Variants in KIRREL3 observed in about 807,000 individuals in gnomAD.
KIRREL3 encodes kirre like nephrin family adhesion molecule 3.
Under a neutral mutation model 89.7 loss-of-function variants are expected in KIRREL3, and 36 were observed. That is an observed-to-expected ratio of 0.40 (90% CI 0.31 to 0.53). KIRREL3 has a LOEUF of 0.53. KIRREL3 is among the 20% of genes least tolerant of loss of function. The pLI is 0.49. For synonymous variants in KIRREL3, 445 were observed against 441.4 expected, an observed-to-expected ratio of 1.01 and a Z score of -0.10; for missense variants, 864 against 1,056.6, an observed-to-expected ratio of 0.82 and a Z score of 2.53.
At chr11:126,478,795 A>G (rs1255308846) in intron 4 of KIRREL3, among the ~76,000 whole-genome samples, 3 of 151,878 alleles carry the variant, frequency 2.0e-5, no homozygotes, top group African/African-American at 7.3e-5. Flanking sequence ...GTGTGCATGC[A>G]TGTGTGTGTG....
intron 4 of KIRREL3, among the ~76,000 whole-genome samples, chr11:126,483,787 G>T (rs1207243954): frequency 1.3e-5 from 2 of 152,172 alleles, no homozygotes; most frequent in Non-Finnish European, 2.9e-5. Context: ...CCTTTGCTGG[G>T]AATCTCCTTG....
rs1947386745 is a variant in KIRREL3, at chr11:126,703,301, A to G, written c.56-140389T>C. ...TACCATTTGCATGGTCTGCGGAGGA[A>G]TGGTGCTCCTGAGAGCTGTTCTCTG... On this transcript the variant is annotated intron_variant, in intron 1 of 16. Coordinates refer to ENST00000525144, the MANE Select transcript of KIRREL3 (RefSeq NM_032531.4). The surrounding 1 kb of genome is among the most constrained non-coding windows in gnomAD (Gnocchi z 4.6). Among the ~76,000 whole-genome samples, 1 of 152,208 alleles carries G rather than the reference A, an allele frequency of 6.6e-6. No homozygotes were observed. Among genetic ancestry groups the G allele is most frequent in the African/African-American group, 2.4e-5 (1 of 41,466 alleles).
At chr11:126,681,910 C>T (rs949366555) in intron 1 of KIRREL3, 1 of 454,832 alleles carries the variant, frequency 2.2e-6, no homozygotes, top group Non-Finnish European at 4.4e-6. Flanking sequence ...TGAAATCATG[C>T]AACAGAAAGA....
chr11:126,976,724 G>C lies in KIRREL3; in HGVS notation c.55+23731C>G, dbSNP rs559950031. Among the ~76,000 whole-genome samples, 1 of 152,038 alleles carries C rather than the reference G, an allele frequency of 6.6e-6. No individual in the cohort carries two copies. The highest frequency in any genetic ancestry group is 1.5e-5 in the Non-Finnish European group (1 of 68,012). ...TCAGATAATATGCTGTACTTGCAGCGTATCATTTAATCTACTTAACAAATC... is the reference window on the plus strand; with the variant it reads ...TCAGATAATATGCTGTACTTGCAGCCTATCATTTAATCTACTTAACAAATC... On this transcript the variant is annotated intron_variant, in intron 1 of 16. Transcript: ENST00000525144. The surrounding 1 kb of genome is among the most constrained non-coding windows in gnomAD (Gnocchi z 4.2).
rs1161050268 is a variant in KIRREL3, at chr11:126,551,284, GGGTCTTAA to G, written c.133+11543_133+11550del. ...TGTGAGGCGGGACTCTCTCAGGGAA[GGGTCTTAA>G]GACCCACAATCAGAAAGTGGTGAAA... On this transcript the variant is annotated intron_variant, in intron 2 of 16. Transcript: ENST00000525144. This position sits in a 1 kb window ranked among gnomAD's most constrained non-coding sequence, Gnocchi z 4.9. Among the ~76,000 whole-genome samples the G allele has an allele frequency of 6.6e-6, 1 of 152,098 alleles. No homozygotes were observed. The highest frequency in any genetic ancestry group is 1.5e-5 in the Non-Finnish European group (1 of 68,016).
In KIRREL3 at chr11:126,463,263, G is replaced by A; in HGVS notation, c.636C>T (p.Leu212=). 6.2e-7 allele frequency: 1 copy of A among 1,613,972 alleles called. No individual in the cohort carries two copies. Among genetic ancestry groups the A allele is most frequent in the Non-Finnish European group, 8.5e-7 (1 of 1,179,852 alleles). ...TCTCCACGTCACCAGGGGAGATGAA[G>A]AGGGTGCTGACGATGCTCTCCCGCT... ...DGKRESIVST[L]FISPGDVENG... Residue 212 remains leucine (L), a synonymous_variant, in exon 6 of 17, where the codon CTC becomes CTT. Transcript: ENST00000525144. This position sits in a 1 kb window ranked among gnomAD's most constrained non-coding sequence, Gnocchi z 5.9.
intron 1 of KIRREL3, among the ~76,000 whole-genome samples, chr11:126,974,869 C>G (rs923130559): frequency 8.5e-5 from 13 of 152,098 alleles, no homozygotes; most frequent in Admixed American, 1.3e-4. Flanking sequence ...CCATGCCTGG[C>G]TAATTTTTGT....
At position 126,491,705 on chromosome 11, in the gene KIRREL3, CT is replaced by C. The variant is rs530721699; in HGVS notation, c.434-18240del. Among the ~76,000 whole-genome samples, 48 of 151,266 alleles carry C rather than the reference CT, an allele frequency of 3.2e-4. No individual in the cohort carries two copies. Among genetic ancestry groups the C allele is most frequent in the Non-Finnish European group, 3.2e-4 (22 of 67,730 alleles). ...GGATGTTTTTCTTTTTTTCTTTTTT[CT>C]TTTTTTTTATATTTATACGGAGTCT... On this transcript the variant is annotated intron_variant, in intron 4 of 16. Coordinates refer to ENST00000525144, the MANE Select transcript of KIRREL3 (RefSeq NM_032531.4). The surrounding 1 kb of genome is among the most constrained non-coding windows in gnomAD (Gnocchi z 5.5).
intron 1 of KIRREL3, among the ~76,000 whole-genome samples, chr11:126,847,179 A>G (rs1479196791): frequency 1.3e-5 from 2 of 152,174 alleles, no homozygotes; most frequent in African/African-American, 4.8e-5. Context: ...TCATACAGGA[A>G]GCATTGTCAA....
At position 126,995,968 on chromosome 11, in the gene KIRREL3, C is replaced by T. The variant is rs894542793; in HGVS notation, c.55+4487G>A. 6.6e-6 allele frequency among the ~76,000 whole-genome samples: 1 copy of T among 152,166 alleles called. No homozygotes were observed. Among genetic ancestry groups the T allele is most frequent in the African/African-American group, 2.4e-5 (1 of 41,444 alleles). The stretch of plus-strand genomic sequence containing the variant: ...GTTCCAAGCCAAATCCTCCTCTGTA[C>T]ACCCAAGAGGGGGACCCCATGGTAT... On this transcript the variant is annotated intron_variant, in intron 1 of 16. Transcript: ENST00000525144. This position sits in a 1 kb window ranked among gnomAD's most constrained non-coding sequence, Gnocchi z 6.5.
At chr11:126,446,088 T>C (rs1250394882) in intron 9 of KIRREL3, among the ~76,000 whole-genome samples, 1 of 137,238 alleles carries the variant, frequency 7.3e-6, no homozygotes, top group Non-Finnish European at 1.5e-5. Context: ...GCGGAGTTTG[T>C]GGTAAGCCAA....
intron 1 of KIRREL3, among the ~76,000 whole-genome samples, chr11:126,848,961 G>A (rs1311688243): frequency 6.6e-6 from 1 of 152,192 alleles, no homozygotes; most frequent in Non-Finnish European, 1.5e-5. Flanking sequence ...CTTATAAAAG[G>A]GAGTTGGGAA....
At chr11:126,923,475 G>T (rs1305682561) in intron 1 of KIRREL3, among the ~76,000 whole-genome samples, 8 of 114,388 alleles carry the variant, frequency 7.0e-5, no homozygotes, top group African/African-American at 2.8e-4. Flanking sequence ...ACAGAGTCTC[G>T]CACTATCGCC....
chr11:126,635,579 C>T lies in KIRREL3; in HGVS notation c.56-72667G>A, dbSNP rs1944231285. 6.6e-6 allele frequency among the ~76,000 whole-genome samples: 1 copy of T among 152,110 alleles called. No individual in the cohort carries two copies. The highest frequency in any genetic ancestry group is 1.5e-5 in the Non-Finnish European group (1 of 67,998). ...GGATGCTGGGTTCCCATTGTACACC[C>T]CCAGCAACGAGCCCCCCTGCCAGCC... On this transcript the variant is annotated intron_variant, in intron 1 of 16. Coordinates refer to ENST00000525144, the MANE Select transcript of KIRREL3 (RefSeq NM_032531.4). This position sits in a 1 kb window ranked among gnomAD's most constrained non-coding sequence, Gnocchi z 4.0.
chr11:126,672,502 T>C (rs990122635), intron 1 of KIRREL3, among the ~76,000 whole-genome samples: 3 of 152,232 alleles, frequency 2.0e-5, no homozygotes, highest in African/African-American at 7.2e-5. Flanking sequence ...ATTCCATTTA[T>C]ATGACACTTG....
At chr11:126,827,466 G>A (rs1381552846) in intron 1 of KIRREL3, among the ~76,000 whole-genome samples, 1 of 151,956 alleles carries the variant, frequency 6.6e-6, no homozygotes, top group Non-Finnish European at 1.5e-5. Context: ...ATGAGCCACT[G>A]CACCTGGCTG....
At chr11:126,458,044 C>T (rs1360278121) in intron 6 of KIRREL3, among the ~76,000 whole-genome samples, 9 of 152,142 alleles carry the variant, frequency 5.9e-5, no homozygotes, top group African/African-American at 1.7e-4. Context: ...GGCATCCACA[C>T]GCCGAGGGAT....
chr11:126,656,603 G>A lies in KIRREL3; in HGVS notation c.56-93691C>T, dbSNP rs530262492. On this transcript the variant is annotated intron_variant, in intron 1 of 16. Coordinates refer to ENST00000525144, the MANE Select transcript of KIRREL3 (RefSeq NM_032531.4). The surrounding 1 kb of genome is among the most constrained non-coding windows in gnomAD (Gnocchi z 4.0). ...TGCACTGATTGTCTTACCCACAGGG[G>A]CAGTTTAAATCTTCATGCTTTTACC... Among the ~76,000 whole-genome samples, 8 of 152,322 alleles carry A rather than the reference G, an allele frequency of 5.3e-5. No individual in the cohort carries two copies. The highest frequency in any genetic ancestry group is 5.2e-4 in the Admixed American group (8 of 15,306).
chr11:126,820,974 G>T (rs1233883094), intron 1 of KIRREL3, among the ~76,000 whole-genome samples: 1 of 152,018 alleles, frequency 6.6e-6, no homozygotes. Context: ...AGCTTACTAG[G>T]TCTGAGATAC....
Sources: gnomAD v4.1 joint callset for allele counts (sites outside exome capture counted in the v4.1 genomes callset) on GRCh38, gnomAD v4.1.1 for gene constraint, Gnocchi (gnomAD v3.1) non-coding constraint, MANE v1.5 for transcripts, NCBI Gene and HGNC (gene_info 2026-07-23, HGNC 2026-07-21) for gene names.